NFIB: variants seen among roughly 807,000 people sequenced by gnomAD.
NFIB encodes nuclear factor I B, also known as nuclear factor 1 B-type.
A neutral mutation model predicts 61.5 loss-of-function variants in NFIB; 11 were observed. The ratio of observed to expected loss-of-function variants is 0.18; its 90% CI spans 0.11 to 0.30. NFIB has a LOEUF of 0.30. Among genes scored for constraint, NFIB ranks in the 10% least tolerant of loss-of-function variants. The pLI is 1.00. For missense variants in NFIB, 471 were observed against 608.9 expected, an observed-to-expected ratio of 0.77 and a Z score of 2.38; for synonymous variants, 260 against 216.5, an observed-to-expected ratio of 1.20 and a Z score of -1.76.
intron 2 of NFIB, among the ~76,000 whole-genome samples, chr9:14,201,705 T>A (rs2049051725): frequency 6.6e-6 from 1 of 152,112 alleles, no homozygotes. Context: ...ATTTTGGGAA[T>A]CTATTTAAAT....
At chr9:14,293,920 C>G (rs1458802950) in intron 2 of NFIB, among the ~76,000 whole-genome samples, 1 of 152,172 alleles carries the variant, frequency 6.6e-6, no homozygotes, top group South Asian at 2.1e-4. Context: ...TATGTTGATT[C>G]TAAATGAATT....
the NFIB span, among the ~76,000 whole-genome samples, chr9:14,455,423 G>C: frequency 6.6e-6 from 1 of 152,194 alleles, no homozygotes; most frequent in Non-Finnish European, 1.5e-5. Flanking sequence ...AGCCAGGTGA[G>C]AGTTCACTTG....
the NFIB span, among the ~76,000 whole-genome samples, chr9:14,481,209 A>G: frequency 7.5e-3 from 575 of 76,570 alleles, 14 homozygotes; most frequent in Non-Finnish European, 0.012. Context: ...ATATATATAT[A>G]TATATATATA....
chr9:14,289,727 G>T (rs2058967867), intron 2 of NFIB, among the ~76,000 whole-genome samples: 1 of 151,922 alleles, frequency 6.6e-6, no homozygotes, highest in Non-Finnish European at 1.5e-5. Flanking sequence ...CCAGTGAAAT[G>T]ATTTTTTAAA....
At chr9:14,340,002 G>A (rs963518944) in intron 1 of NFIB, among the ~76,000 whole-genome samples, 2 of 152,178 alleles carry the variant, frequency 1.3e-5, no homozygotes, top group African/African-American at 4.8e-5. Context: ...AGAGTTTTCA[G>A]TCCAGCCACT....
At chr9:14,336,427 G>C (rs1488257993) in intron 1 of NFIB, among the ~76,000 whole-genome samples, 2 of 152,230 alleles carry the variant, frequency 1.3e-5, no homozygotes, top group Non-Finnish European at 1.5e-5. Flanking sequence ...TGACTCTACA[G>C]ACTGACCTCA....
chr9:14,232,859 C>A (rs1017222386), intron 2 of NFIB, among the ~76,000 whole-genome samples: 1 of 152,098 alleles, frequency 6.6e-6, no homozygotes, highest in Non-Finnish European at 1.5e-5. Context: ...CTGTAACTAT[C>A]CTAGTCTATA....
intron 1 of NFIB, among the ~76,000 whole-genome samples, chr9:14,355,436 G>A (rs1181233020): frequency 2.0e-5 from 3 of 152,326 alleles, no homozygotes; most frequent in African/African-American, 4.8e-5. Flanking sequence ...CACCCAATCT[G>A]CAGTATTTTG....
At chr9:14,394,201 A>T (rs1413100151) in intron 1 of NFIB, among the ~76,000 whole-genome samples, 3 of 152,234 alleles carry the variant, frequency 2.0e-5, no homozygotes, top group Non-Finnish European at 4.4e-5. Flanking sequence ...TAAATAAATA[A>T]GTACAAATTC....
chr9:14,161,657 T>C (rs545331069), intron 3 of NFIB, among the ~76,000 whole-genome samples: 172 of 152,238 alleles, frequency 1.1e-3, no homozygotes, highest in African/African-American at 4.0e-3. Flanking sequence ...TCATACTTTA[T>C]ATTAACCATT....
At chr9:14,471,311 T>G in the NFIB span, among the ~76,000 whole-genome samples, 1 of 152,052 alleles carries the variant, frequency 6.6e-6, no homozygotes, top group Non-Finnish European at 1.5e-5. Flanking sequence ...TGGATTTGCC[T>G]CCCCCCTGAG....
chr9:14,100,352 A>G (rs936823573), intron 10 of NFIB, among the ~76,000 whole-genome samples: 1 of 152,058 alleles, frequency 6.6e-6, no homozygotes, highest in Non-Finnish European at 1.5e-5. Flanking sequence ...CCTCCAATAC[A>G]TGTGTTCTGA....
chr9:14,177,478 A>G (rs762235783), intron 3 of NFIB, among the ~76,000 whole-genome samples: 1 of 152,156 alleles, frequency 6.6e-6, no homozygotes, highest in Non-Finnish European at 1.5e-5. Flanking sequence ...CATTAAGTCC[A>G]AAATAGAATT....
chr9:14,495,798 T>C, the NFIB span, among the ~76,000 whole-genome samples: 4 of 152,180 alleles, frequency 2.6e-5, no homozygotes, highest in African/African-American at 9.7e-5. Context: ...AATGGAAAAC[T>C]CCACCATTGT....
intron 2 of NFIB, among the ~76,000 whole-genome samples, chr9:14,282,398 C>A (rs1274650565): frequency 6.6e-6 from 1 of 152,110 alleles, no homozygotes; most frequent in East Asian, 1.9e-4. Flanking sequence ...AATGACTTTT[C>A]TTCTAATATA....
At chr9:14,234,463 G>A (rs577929936) in intron 2 of NFIB, among the ~76,000 whole-genome samples, 23 of 151,260 alleles carry the variant, frequency 1.5e-4, no homozygotes, top group Non-Finnish European at 2.8e-4. Flanking sequence ...TCCACCTTCC[G>A]CGTTCAAGCA....
intron 2 of NFIB, among the ~76,000 whole-genome samples, chr9:14,193,413 C>T (rs563599863): frequency 1.8e-4 from 28 of 152,082 alleles, no homozygotes; most frequent in African/African-American, 5.5e-4. Context: ...TATCAATTGT[C>T]GGAATAACTA....
At chr9:14,264,548 CAAT>C (rs1399677574) in intron 2 of NFIB, among the ~76,000 whole-genome samples, 3 of 152,050 alleles carry the variant, frequency 2.0e-5, no homozygotes, top group Admixed American at 6.6e-5. Flanking sequence ...TAAAAACACT[CAAT>C]GATGAATTTT....
chr9:14,155,201 T>C (rs946743424), intron 4 of NFIB, among the ~76,000 whole-genome samples: 12 of 152,192 alleles, frequency 7.9e-5, no homozygotes, highest in Admixed American at 2.6e-4. Flanking sequence ...AAAGAGTTAA[T>C]CAAGGTAACG....
Sources: allele counts gnomAD v4.1 joint callset (sites outside exome capture counted in the v4.1 genomes callset), GRCh38; gene constraint gnomAD v4.1.1; transcripts MANE v1.5; gene names NCBI Gene and HGNC (gene_info 2026-07-23, HGNC 2026-07-21).